GNB4: variants seen among roughly 807,000 people sequenced by gnomAD.
GNB4 encodes G protein subunit beta 4, also known as guanine nucleotide-binding protein subunit beta-4.
A neutral mutation model predicts 45.2 loss-of-function variants in GNB4; 28 were observed. The observed-to-expected ratio is 0.62, with a 90% CI of 0.46 to 0.85. The LOEUF (loss-of-function observed/expected upper bound fraction) is 0.85, where lower values mean the gene tolerates loss of function less well. Among genes scored for constraint, GNB4 ranks in the 40% least tolerant of loss-of-function variants. GNB4 has a pLI of 0.00. For synonymous variants in GNB4, 132 were observed against 143.7 expected, an observed-to-expected ratio of 0.92 and a Z score of 0.58; for missense variants, 321 against 425.4, an observed-to-expected ratio of 0.75 and a Z score of 2.16.
chr3:179,524,159 C>T, the GNB4 span, among the ~76,000 whole-genome samples: 1 of 152,180 alleles, frequency 6.6e-6, no homozygotes, highest in Non-Finnish European at 1.5e-5. Context: ...TGATGGTCCA[C>T]GAGGCTTCTG....
the GNB4 span, among the ~76,000 whole-genome samples, chr3:179,525,885 C>A: frequency 6.6e-6 from 1 of 152,214 alleles, no homozygotes; most frequent in Non-Finnish European, 1.5e-5. Flanking sequence ...AGGTGGATCT[C>A]CTCATGGAGT....
At chr3:179,437,516 A>C (rs985896185) in intron 1 of GNB4, among the ~76,000 whole-genome samples, 1 of 152,040 alleles carries the variant, frequency 6.6e-6, no homozygotes, top group African/African-American at 2.4e-5. Context: ...AGTGAGCGGA[A>C]GATTGCACAA....
chr3:179,412,381 G>C (rs1181043319), intron 8 of GNB4, among the ~76,000 whole-genome samples: 3 of 151,980 alleles, frequency 2.0e-5, no homozygotes, highest in African/African-American at 7.3e-5. Context: ...CTGAGGCTGA[G>C]GCAGGAAGAT....
chr3:179,457,802 C>T, the GNB4 span, among the ~76,000 whole-genome samples: 1 of 152,094 alleles, frequency 6.6e-6, no homozygotes, highest in African/African-American at 2.4e-5. Flanking sequence ...AGTTCCAAGA[C>T]TTGGGACGGT....
intron 1 of GNB4, among the ~76,000 whole-genome samples, chr3:179,445,762 G>A (rs1396211061): frequency 6.6e-6 from 1 of 152,204 alleles, no homozygotes; most frequent in Non-Finnish European, 1.5e-5. Flanking sequence ...TAAGAATAAT[G>A]ATATCTTCTG....
At chr3:179,430,815 A>C (rs1715289292) in intron 1 of GNB4, among the ~76,000 whole-genome samples, 1 of 152,044 alleles carries the variant, frequency 6.6e-6, no homozygotes, top group African/African-American at 2.4e-5. Context: ...CAGTATATTC[A>C]ATCTCTTACA....
the GNB4 span, among the ~76,000 whole-genome samples, chr3:179,502,443 C>T: frequency 4.0e-5 from 6 of 151,802 alleles, no homozygotes; most frequent in East Asian, 3.9e-4. Context: ...ATGTTGGCCA[C>T]GCTGCTCTCG....
At chr3:179,500,096 A>AT in the GNB4 span, among the ~76,000 whole-genome samples, 33 of 152,160 alleles carry the variant, frequency 2.2e-4, no homozygotes, top group Admixed American at 7.8e-4. Context: ...ATTAGATCCT[A>AT]TTTGTCAATT....
chr3:179,455,192 G>A (rs1435084097), upstream of GNB4, among the ~76,000 whole-genome samples: 1 of 152,180 alleles, frequency 6.6e-6, no homozygotes, highest in Non-Finnish European at 1.5e-5. Flanking sequence ...TTAAGAGAGG[G>A]TCAATGATAT....
At chr3:179,466,713 A>T in the GNB4 span, among the ~76,000 whole-genome samples, 1 of 152,206 alleles carries the variant, frequency 6.6e-6, no homozygotes, top group Non-Finnish European at 1.5e-5. Flanking sequence ...TCCTGCATGG[A>T]GAAGTATTAT....
At chr3:179,511,279 C>G in the GNB4 span, among the ~76,000 whole-genome samples, 4 of 152,234 alleles carry the variant, frequency 2.6e-5, no homozygotes, top group Admixed American at 2.6e-4. Context: ...GTCTCCTTCT[C>G]TCACTATAAG....
the GNB4 span, among the ~76,000 whole-genome samples, chr3:179,462,271 A>G: frequency 6.6e-6 from 1 of 152,218 alleles, no homozygotes; most frequent in Non-Finnish European, 1.5e-5. Flanking sequence ...TGGTTTGCCC[A>G]TAGAACACAT....
the GNB4 span, among the ~76,000 whole-genome samples, chr3:179,473,674 C>G: frequency 6.6e-6 from 1 of 152,078 alleles, no homozygotes; most frequent in African/African-American, 2.4e-5. Flanking sequence ...TCCAACAGAC[C>G]GTTCTGTTTC....
Position 179,425,689 on chromosome 3 carries a change from T to A in GNB4, c.57+455A>T, listed in dbSNP as rs562283305. Reference sequence around the variant, plus strand: ...TTTCACCATGTTGGCCAGGCTGGTCTTGAACTCCTGACCTCAGGTGATCCA... The same window carrying A: ...TTTCACCATGTTGGCCAGGCTGGTCATGAACTCCTGACCTCAGGTGATCCA... On this transcript the variant is annotated intron_variant, in intron 2 of 9. Transcript: ENST00000232564. 3.5e-4 allele frequency among the ~76,000 whole-genome samples: 54 copies of A among 152,330 alleles called. 1 individual carries two copies. Among genetic ancestry groups the A allele is most frequent in the African/African-American group, 1.3e-3 (54 of 41,572 alleles).
chr3:179,419,735 TATA>T (rs1286007483), intron 3 of GNB4, among the ~76,000 whole-genome samples: 6 of 152,320 alleles, frequency 3.9e-5, no homozygotes, highest in Admixed American at 1.3e-4. Flanking sequence ...TACATAAATG[TATA>T]ATAAGAATGC....
At chr3:179,406,224 C>G (rs1714466462) in intron 8 of GNB4, among the ~76,000 whole-genome samples, 1 of 152,088 alleles carries the variant, frequency 6.6e-6, no homozygotes, top group South Asian at 2.1e-4. Context: ...TTTAGCCTTC[C>G]TGGGTCATTT....
the GNB4 span, among the ~76,000 whole-genome samples, chr3:179,498,744 G>GCTTGTTTTTTTTTTTTTTTTTTTTTTT: frequency 1.2e-5 from 1 of 80,352 alleles, no homozygotes; most frequent in South Asian, 5.7e-4. Context: ...GTTGGTTGAG[G>GCTTGTTTTTTTTTTTTTTTTTTTTTTT]TTTGGTTTTT....
At chr3:179,484,569 T>A in the GNB4 span, among the ~76,000 whole-genome samples, 1 of 150,428 alleles carries the variant, frequency 6.6e-6, no homozygotes, top group Non-Finnish European at 1.5e-5. Flanking sequence ...TAACCAAATG[T>A]CCCTTTGCCA....
chr3:179,462,609 C>T, the GNB4 span, among the ~76,000 whole-genome samples: 3 of 152,040 alleles, frequency 2.0e-5, no homozygotes, highest in African/African-American at 4.8e-5. Context: ...GAGGCCGAGG[C>T]GGGCAAATCA....
Sources: allele counts gnomAD v4.1 joint callset (sites outside exome capture counted in the v4.1 genomes callset), GRCh38; gene constraint gnomAD v4.1.1; transcripts MANE v1.5; gene names NCBI Gene and HGNC (gene_info 2026-07-23, HGNC 2026-07-21).